Variants in ZNF469 observed in about 807,000 individuals in gnomAD.
ZNF469 encodes zinc finger protein 469.
Under a neutral mutation model 1.0 loss-of-function variants are expected in ZNF469, and 1 was observed. That is an observed-to-expected ratio of 1.00 (90% CI 0.35 to 4.73). The LOEUF (loss-of-function observed/expected upper bound fraction) is 4.73. Ranked by LOEUF, ZNF469 falls within the 30% of genes most tolerant of loss-of-function variation. The probability of loss-of-function intolerance (pLI) is 0.16; values close to 1 mark genes in which losing one functional copy is unlikely to be tolerated. For missense variants in ZNF469, 6,100 were observed against 5,356.3 expected (o/e 1.14, Z -4.33); for synonymous variants, 2,703 against 2,363.4 (o/e 1.14, Z -4.17).
the ZNF469 span, among the ~76,000 whole-genome samples, chr16:88,295,997 C>A: frequency 2.6e-4 from 39 of 152,308 alleles, no homozygotes; most frequent in African/African-American, 9.4e-4. Context: ...CCTGGGGCAG[C>A]GCCTGGCTTT....
chr16:88,432,635 T>C lies in ZNF469; in HGVS notation c.5165T>C (p.Leu1722Pro), dbSNP rs1260690965. 7.7e-6 allele frequency: 12 copies of C among 1,550,432 alleles called. No homozygotes were observed. The highest frequency in any genetic ancestry group is 1.0e-5 in the Non-Finnish European group (12 of 1,146,972). Residue 1722 changes from leucine (L) to proline (P), a missense_variant, in exon 3 of 3, where the codon CTG becomes CCG. Physicochemically the swap from Leu to Pro is moderately conservative, Grantham distance 98 (BLOSUM62 -3). Transcript: ENST00000565624. ...AGCAGGCCCCCCCAAGATGTCTGCC[T>C]GCCTGAGCCCAGCAAGCAGCCTGGC... ...GDSRPPQDVC[L>P]PEPSKQPGPQ...
chr16:88,250,278 TTGAACTTTATA>T, the ZNF469 span, among the ~76,000 whole-genome samples: 1 of 152,230 alleles, frequency 6.6e-6, no homozygotes, highest in Non-Finnish European at 1.5e-5. Context: ...TCTCGCCTAT[TTGAACTTTATA>T]TGAGTGGAAT....
chr16:88,275,847 G>A, the ZNF469 span, among the ~76,000 whole-genome samples: 2 of 152,208 alleles, frequency 1.3e-5, no homozygotes, highest in South Asian at 4.1e-4. Flanking sequence ...GCGGGGCACA[G>A]GGGAACAGGG....
Position 88,435,457 on chromosome 16 carries a change from A to G in ZNF469, c.7987A>G (p.Arg2663Gly), listed in dbSNP as rs1906502997. Residue 2663 changes from arginine (R) to glycine (G), a missense_variant, in exon 3 of 3, where the codon AGA (arginine) becomes GGA (glycine). Arg to Gly is a moderately radical substitution (Grantham distance 125). Transcript: ENST00000565624. The stretch of plus-strand genomic sequence containing the variant: ...TGTGATTTCAGATGGGCGCGGCTCC[A>G]GACCATCCCCTGCAATGGCCAGTTA... ...ADVISDGRGSRPSPAMASYAA... is the reference protein window; with the variant it reads ...ADVISDGRGSGPSPAMASYAA... 6.5e-7 allele frequency: 1 copy of G among 1,549,666 alleles called. No individual in the cohort carries two copies. The highest frequency in any genetic ancestry group is 1.2e-5 in the South Asian group (1 of 84,062).
At chr16:88,131,695 C>T in the ZNF469 span, among the ~76,000 whole-genome samples, 6 of 152,222 alleles carry the variant, frequency 3.9e-5, no homozygotes, top group South Asian at 2.1e-4. Context: ...AGGGGCCGCT[C>T]GCAGAAGGCA....
intron 1 of ZNF469, among the ~76,000 whole-genome samples, chr16:88,421,402 C>A (rs1291655100): frequency 6.6e-6 from 1 of 152,190 alleles, no homozygotes; most frequent in Non-Finnish European, 1.5e-5. Flanking sequence ...CCTACTGAAA[C>A]CCACACCGAC....
the ZNF469 span, among the ~76,000 whole-genome samples, chr16:88,227,630 GTCTCCCCT>G: frequency 1.7e-5 from 2 of 117,272 alleles, no homozygotes; most frequent in African/African-American, 6.5e-5. Context: ...CTGTGTCCCC[GTCTCCCCT>G]TCTCCCTCCC....
At chr16:88,316,220 G>A in the ZNF469 span, among the ~76,000 whole-genome samples, 3 of 152,154 alleles carry the variant, frequency 2.0e-5, no homozygotes, top group Admixed American at 6.5e-5. Context: ...GTCAGAACCC[G>A]CAGGGCTGGG....
chr16:88,157,245 T>A, the ZNF469 span, among the ~76,000 whole-genome samples: 1 of 151,980 alleles, frequency 6.6e-6, no homozygotes, highest in Non-Finnish European at 1.5e-5. Context: ...GAAGGCCTGC[T>A]GTCTCAGTGC....
At chr16:88,178,849 A>ACCTTCACCTGCAGGCCG in the ZNF469 span, 2 of 150,626 alleles carry the variant, frequency 1.3e-5, no homozygotes, top group Admixed American at 1.3e-4. Context: ...GGTGCTGACC[A>ACCTTCACCTGCAGGCCG]CCTTCACCTG....
the ZNF469 span, among the ~76,000 whole-genome samples, chr16:88,256,924 T>C: frequency 0.19 from 2,033 of 10,838 alleles, no homozygotes; most frequent in Middle Eastern, 0.25. Flanking sequence ...CTTTCTTTCT[T>C]TCTTTCTTTC....
At chr16:88,305,936 T>C in the ZNF469 span, among the ~76,000 whole-genome samples, 1 of 151,856 alleles carries the variant, frequency 6.6e-6, no homozygotes, top group African/African-American at 2.4e-5. Context: ...TCACACACTG[T>C]CACGTAAACC....
At chr16:88,274,039 G>A in the ZNF469 span, among the ~76,000 whole-genome samples, 3 of 152,196 alleles carry the variant, frequency 2.0e-5, no homozygotes, top group Admixed American at 6.5e-5. Context: ...TCCTGACCTC[G>A]TGATCCGCCT....
intron 1 of ZNF469, among the ~76,000 whole-genome samples, chr16:88,409,725 C>T (rs1329463153): frequency 6.6e-6 from 1 of 152,210 alleles, no homozygotes; most frequent in Non-Finnish European, 1.5e-5. Flanking sequence ...GAGGAAAATG[C>T]AAACAAAGCT....
chr16:88,316,173 C>A, the ZNF469 span, among the ~76,000 whole-genome samples: 1 of 152,256 alleles, frequency 6.6e-6, no homozygotes, highest in Non-Finnish European at 1.5e-5. Context: ...TCACCGGAAT[C>A]TCCGGGGCAG....
intron 1 of ZNF469, among the ~76,000 whole-genome samples, chr16:88,406,696 G>T (rs1905037479): frequency 6.6e-6 from 1 of 152,172 alleles, no homozygotes; most frequent in African/African-American, 2.4e-5. Context: ...CATGTCTGCG[G>T]CCCCTGCCTC....
the ZNF469 span, among the ~76,000 whole-genome samples, chr16:88,206,492 G>A: frequency 6.6e-6 from 1 of 152,098 alleles, no homozygotes; most frequent in African/African-American, 2.4e-5. Flanking sequence ...TTCCATGATC[G>A]CAATCCTGTT....
At chr16:88,198,348 C>T in the ZNF469 span, among the ~76,000 whole-genome samples, 11 of 152,154 alleles carry the variant, frequency 7.2e-5, no homozygotes, top group Admixed American at 2.0e-4. Context: ...GTGGGAAGCC[C>T]GGCAGACCCC....
the ZNF469 span, among the ~76,000 whole-genome samples, chr16:88,311,377 AAATGT>A: frequency 4.4e-4 from 67 of 152,202 alleles, no homozygotes; most frequent in Non-Finnish European, 8.2e-4. Flanking sequence ...AGGATTTTAG[AAATGT>A]AATGTACATT....
Sources: gnomAD v4.1 joint callset for allele counts (sites outside exome capture counted in the v4.1 genomes callset) on GRCh38, gnomAD v4.1.1 for gene constraint, MANE v1.5 for transcripts, NCBI Gene and HGNC (gene_info 2026-07-23, HGNC 2026-07-21) for gene names.